GPC3: variants seen among roughly 807,000 people sequenced by gnomAD.
GPC3 encodes glypican-3.
A neutral mutation model predicts 34.4 loss-of-function variants in GPC3; 3 were observed. The ratio of observed to expected loss-of-function variants is 0.09; its 90% CI spans 0.04 to 0.23. The LOEUF (loss-of-function observed/expected upper bound fraction) is 0.23. Among genes scored for constraint, GPC3 ranks in the 10% least tolerant of loss-of-function variants. The pLI is 1.00. For missense variants in GPC3, 351 were observed against 445.6 expected (o/e 0.79, Z 1.91); for synonymous variants, 177 against 174.0 (o/e 1.02, Z -0.13).
rs752815326 is a variant in GPC3, at chrX:133,906,213, C to T, written c.337+46837G>A. 4.5e-5 allele frequency among the ~76,000 whole-genome samples: 5 copies of T among 111,607 alleles called. No individual in the cohort carries two copies. The East Asian group carries it at 1.1e-3, about 25-fold the overall frequency. On this transcript the variant is annotated intron_variant, in intron 2 of 7. Transcript: ENST00000370818. ...TAAGTGGTAAAGAAGAAAAAAAATG[C>T]AAGTGACAAGAATCAAGATATCTCT...
At chrX:133,541,098 C>T (rs1191454621) in intron 7 of GPC3, among the ~76,000 whole-genome samples, 1 of 110,750 alleles carries the variant, frequency 9.0e-6, no homozygotes, top group East Asian at 2.8e-4. Context: ...AAACAAACAA[C>T]ACAATCTGAT....
intron 2 of GPC3, among the ~76,000 whole-genome samples, chrX:133,947,348 G>T (rs1272213285): frequency 9.0e-6 from 1 of 111,660 alleles, no homozygotes; most frequent in Non-Finnish European, 1.9e-5. Flanking sequence ...TGGGGTAAAA[G>T]AGTTCATCTG....
chrX:133,929,420 G>C (rs1052073302), intron 2 of GPC3, among the ~76,000 whole-genome samples: 8 of 111,586 alleles, frequency 7.2e-5, no homozygotes, highest in African/African-American at 2.3e-4. Context: ...ATCAAAAATG[G>C]AAAAGGAAGA....
At chrX:133,636,330 T>C (rs2070424333) in intron 6 of GPC3, among the ~76,000 whole-genome samples, 1 of 111,971 alleles carries the variant, frequency 8.9e-6, no homozygotes, top group African/African-American at 3.3e-5. Flanking sequence ...GATTACCAGA[T>C]GTGAACTTTG....
chrX:133,758,787 T>A (rs1353444897), intron 2 of GPC3, among the ~76,000 whole-genome samples: 3 of 111,438 alleles, frequency 2.7e-5, no homozygotes, highest in African/African-American at 9.8e-5. Flanking sequence ...AAAAATCATA[T>A]GATCATATGA....
At chrX:133,616,203 T>A (rs755278411) in intron 6 of GPC3, among the ~76,000 whole-genome samples, 1 of 111,984 alleles carries the variant, frequency 8.9e-6, no homozygotes, top group Non-Finnish European at 1.9e-5. Flanking sequence ...GAATACACGA[T>A]TGATATAATA....
chrX:133,846,939 A>G (rs1424925907), intron 2 of GPC3, among the ~76,000 whole-genome samples: 1 of 111,462 alleles, frequency 9.0e-6, no homozygotes, highest in Admixed American at 9.6e-5. Flanking sequence ...CAGATAACAG[A>G]TTTTTTTCCT....
At chrX:133,689,308 C>G (rs1471594078) in intron 5 of GPC3, among the ~76,000 whole-genome samples, 2 of 111,571 alleles carry the variant, frequency 1.8e-5, no homozygotes, top group African/African-American at 3.2e-5. Context: ...AGGCTTAAAG[C>G]TAGCAAATGA....
intron 2 of GPC3, among the ~76,000 whole-genome samples, chrX:133,835,916 T>C (rs2075797345): frequency 8.8e-6 from 1 of 113,007 alleles, no homozygotes. Context: ...TCATCTGGCT[T>C]CTCTCTTCTT....
intron 7 of GPC3, among the ~76,000 whole-genome samples, chrX:133,573,163 G>T (rs2069647814): frequency 9.0e-6 from 1 of 111,422 alleles, no homozygotes; most frequent in African/African-American, 3.3e-5. Context: ...AATCCTACAT[G>T]ATTATCTTGA....
chrX:133,967,341 T>C (rs756419608), intron 1 of GPC3, among the ~76,000 whole-genome samples: 27 of 112,066 alleles, frequency 2.4e-4, no homozygotes, highest in African/African-American at 7.5e-4. Context: ...TCCATTCCTA[T>C]GATTTTAGTG....
At chrX:133,966,900 C>G (rs1033414055) in intron 1 of GPC3, among the ~76,000 whole-genome samples, 12 of 112,100 alleles carry the variant, frequency 1.1e-4, no homozygotes, top group Admixed American at 5.7e-4. Context: ...TTTCCTCCTT[C>G]TCCTACCCTC....
At chrX:133,584,911 C>A (rs1465067982) in intron 7 of GPC3, among the ~76,000 whole-genome samples, 4 of 85,788 alleles carry the variant, frequency 4.7e-5, no homozygotes, top group Non-Finnish European at 8.8e-5. Context: ...CAGACATTCA[C>A]ATTAGGATTA....
intron 3 of GPC3, among the ~76,000 whole-genome samples, chrX:133,709,885 A>G (rs1211730015): frequency 8.9e-6 from 1 of 112,473 alleles, no homozygotes; most frequent in Non-Finnish European, 1.9e-5. Context: ...TATGCATATG[A>G]GCATTAAATT....
intron 2 of GPC3, among the ~76,000 whole-genome samples, chrX:133,898,845 C>A (rs2124597415): frequency 8.9e-6 from 1 of 111,836 alleles, no homozygotes; most frequent in East Asian, 2.8e-4. Flanking sequence ...TTATGTTGAG[C>A]CCACCTAAAT....
chrX:133,615,531 A>C (rs991239140), intron 6 of GPC3, among the ~76,000 whole-genome samples: 1 of 110,190 alleles, frequency 9.1e-6, no homozygotes, highest in African/African-American at 3.3e-5. Flanking sequence ...ACATGTTCTC[A>C]CTCATAAGTG....
Position 133,536,303 on chromosome X carries a change from A to C in GPC3, c.1574-10T>G. The C allele has an allele frequency of 8.5e-7, 1 of 1,182,456 alleles. No homozygotes were observed. The highest frequency in any genetic ancestry group is 1.8e-5 in the South Asian group (1 of 56,337). On this transcript the variant is annotated splice_polypyrimidine_tract_variant and intron_variant, in intron 7 of 7. Coordinates refer to ENST00000370818, the MANE Select transcript of GPC3 (RefSeq NM_004484.4). ...AGATCATAGGCCAGTTCTGTCAATC[A>C]AAAGAGAAGGATTTGAAATGCAAGT...
In GPC3 at chrX:133,667,894, A is replaced by G. The variant is rs1466967143; in HGVS notation, c.1293-6044T>C. ...TCTCTATATATGTATATGTATATATATTTTCTTTTCTTTTTTTTTCTTTTT... is the reference window on the plus strand; with the variant it reads ...TCTCTATATATGTATATGTATATATGTTTTCTTTTCTTTTTTTTTCTTTTT... On this transcript the variant is annotated intron_variant, in intron 5 of 7. Coordinates refer to ENST00000370818, the MANE Select transcript of GPC3 (RefSeq NM_004484.4). 2.8e-5 allele frequency among the ~76,000 whole-genome samples: 3 copies of G among 105,296 alleles called. No homozygotes were observed. The East Asian group carries it at 9.4e-4, about 33-fold the overall frequency. 91.4% of individuals were successfully genotyped at this position (105,296 alleles called of 115,157 possible). A position where few individuals can be genotyped will look rare whatever the true frequency, so the allele number is the denominator to read the frequency against.
intron 6 of GPC3, among the ~76,000 whole-genome samples, chrX:133,616,173 ATCAGT>A (rs756197426): frequency 8.9e-6 from 1 of 111,944 alleles, no homozygotes; most frequent in East Asian, 2.8e-4. Flanking sequence ...CTATCAGCTA[ATCAGT>A]TCAGCGAGAT....
Sources: allele counts gnomAD v4.1 joint callset (sites outside exome capture counted in the v4.1 genomes callset), GRCh38; gene constraint gnomAD v4.1.1; transcripts MANE v1.5; gene names NCBI Gene and HGNC (gene_info 2026-07-23, HGNC 2026-07-21).